Variants in NINL observed in about 807,000 individuals in gnomAD.
The protein encoded by NINL is ninein-like protein.
Under a neutral mutation model 160.3 loss-of-function variants are expected in NINL, and 153 were observed. That is an observed-to-expected ratio of 0.95 (90% CI 0.84 to 1.09). The LOEUF (loss-of-function observed/expected upper bound fraction) is 1.09, where lower values mean the gene tolerates loss of function less well. Ranked by LOEUF, NINL falls within the 50% of genes least tolerant of loss-of-function variation. The pLI, the probability that NINL is intolerant of heterozygous loss-of-function variation, is 0.00. For missense variants in NINL, 1,829 were observed against 1,764.0 expected (o/e 1.04, Z -0.66); for synonymous variants, 800 against 734.8 (o/e 1.09, Z -1.43).
chr20:25,516,392 A>G (rs2064160627), intron 3 of NINL, among the ~76,000 whole-genome samples: 1 of 152,240 alleles, frequency 6.6e-6, no homozygotes, highest in African/African-American at 2.4e-5. Context: ...AAAAAGAAAG[A>G]AAAAATAGAA....
chr20:25,523,752 C>G (rs2064305086), intron 2 of NINL, among the ~76,000 whole-genome samples: 2 of 152,104 alleles, frequency 1.3e-5, no homozygotes, highest in South Asian at 4.1e-4. Context: ...AAGTGATTCT[C>G]CTGCCTCAGC....
intron 4 of NINL, 91 bp downstream of exon 4, chr20:25,512,743 T>A (rs1601192031): frequency 6.8e-7 from 1 of 1,464,898 alleles, no homozygotes; most frequent in East Asian, 2.3e-5. Flanking sequence ...CCTCCCCATA[T>A]CTTGTGATTA....
intron 23 of NINL, among the ~76,000 whole-genome samples, chr20:25,454,033 G>A (rs2090605579): frequency 6.6e-6 from 1 of 151,992 alleles, no homozygotes; most frequent in East Asian, 1.9e-4. Context: ...TCCAGCCTAG[G>A]CGACAGAGCA....
intron 10 of NINL, among the ~76,000 whole-genome samples, chr20:25,496,118 C>T (rs982774949): frequency 2.0e-5 from 3 of 152,132 alleles, no homozygotes; most frequent in Non-Finnish European, 4.4e-5. Context: ...TGCACTCCAG[C>T]CTGGGATACA....
intron 16 of NINL, among the ~76,000 whole-genome samples, chr20:25,478,138 C>T (rs2063306998): frequency 6.6e-6 from 1 of 152,040 alleles, no homozygotes; most frequent in African/African-American, 2.4e-5. Flanking sequence ...TTAGTAGAGA[C>T]AGGGTTTCAC....
At chr20:25,580,929 G>A (rs749773445) in intron 1 of NINL, among the ~76,000 whole-genome samples, 2 of 152,210 alleles carry the variant, frequency 1.3e-5, no homozygotes, top group African/African-American at 4.8e-5. Context: ...CAGCCACCGC[G>A]GCTTAACTAC....
chr20:25,544,393 A>G (rs2064708215), intron 1 of NINL, among the ~76,000 whole-genome samples: 1 of 152,236 alleles, frequency 6.6e-6, no homozygotes, highest in Non-Finnish European at 1.5e-5. Context: ...CTCAACTTGT[A>G]GTAAAAGTAA....
intron 7 of NINL, among the ~76,000 whole-genome samples, chr20:25,501,357 C>A (rs2063864122): frequency 6.6e-6 from 1 of 152,244 alleles, no homozygotes; most frequent in Admixed American, 6.5e-5. Context: ...CTTGAATTCA[C>A]AAAGGCGGGA....
intron 1 of NINL, among the ~76,000 whole-genome samples, chr20:25,555,120 C>T (rs2064851505): frequency 6.6e-6 from 1 of 152,166 alleles, no homozygotes; most frequent in South Asian, 2.1e-4. Context: ...CAGTTCACTC[C>T]TGTTCCTAGG....
At chr20:25,542,978 T>C (rs1217250598) in intron 1 of NINL, among the ~76,000 whole-genome samples, 1 of 142,622 alleles carries the variant, frequency 7.0e-6, no homozygotes, top group Non-Finnish European at 1.5e-5. Flanking sequence ...AGGTGGAGGC[T>C]GCAGTGAGCC....
intron 5 of NINL, chr20:25,509,598 C>G: frequency 2.2e-6 from 1 of 452,542 alleles, no homozygotes; most frequent in Non-Finnish European, 4.4e-6. Flanking sequence ...GTTAGCCAGG[C>G]TGCCAGCTTC....
At chr20:25,468,653 T>TTGAC (rs2062989767) in intron 18 of NINL, among the ~76,000 whole-genome samples, 2 of 28,270 alleles carry the variant, frequency 7.1e-5, no homozygotes, top group African/African-American at 1.5e-4. Flanking sequence ...TGTCCCCCAA[T>TTGAC]TCTCACTGGT....
chr20:25,473,714 ACAC>A (rs1204165702), intron 17 of NINL, among the ~76,000 whole-genome samples: 8 of 130,350 alleles, frequency 6.1e-5, no homozygotes, highest in Non-Finnish European at 1.3e-4. Flanking sequence ...ACACACACAC[ACAC>A]ATCAGCTGGG....
At chr20:25,516,472 C>G (rs902017193) in intron 3 of NINL, among the ~76,000 whole-genome samples, 2 of 152,152 alleles carry the variant, frequency 1.3e-5, no homozygotes, top group Non-Finnish European at 2.9e-5. Flanking sequence ...GACAACATGT[C>G]CCACAGGTTG....
chr20:25,524,022 C>G (rs912954515), intron 2 of NINL, among the ~76,000 whole-genome samples: 5 of 152,196 alleles, frequency 3.3e-5, no homozygotes, highest in African/African-American at 1.2e-4. Flanking sequence ...CCTGAAATCT[C>G]TACCATTGGG....
intron 7 of NINL, among the ~76,000 whole-genome samples, chr20:25,501,961 T>C (rs2063876797): frequency 6.6e-6 from 1 of 152,030 alleles, no homozygotes; most frequent in Non-Finnish European, 1.5e-5. Flanking sequence ...TTCTAAATTA[T>C]TTAGGTTTTT....
intron 4 of NINL, 32 bp downstream of exon 4, chr20:25,512,802 G>A (rs368221555): frequency 6.3e-7 from 1 of 1,580,384 alleles, no homozygotes; most frequent in Admixed American, 1.8e-5. Flanking sequence ...CCCAACACTG[G>A]GCAGCTGGGG....
chr20:25,563,845 T>G (rs2064971321), intron 1 of NINL, among the ~76,000 whole-genome samples: 1 of 152,222 alleles, frequency 6.6e-6, no homozygotes, highest in Non-Finnish European at 1.5e-5. Context: ...CCTAAATGTA[T>G]ACTTGTCCTT....
intron 1 of NINL, among the ~76,000 whole-genome samples, chr20:25,541,779 A>G (rs2064666669): frequency 6.6e-6 from 1 of 152,244 alleles, no homozygotes; most frequent in African/African-American, 2.4e-5. Context: ...GAAATAGCCA[A>G]TAACAGAAAT....
Sources: gnomAD v4.1 joint callset for allele counts (sites outside exome capture counted in the v4.1 genomes callset) on GRCh38, gnomAD v4.1.1 for gene constraint, MANE v1.5 for transcripts, NCBI Gene and HGNC (gene_info 2026-07-23, HGNC 2026-07-21) for gene names.